EYA4: variants seen among roughly 807,000 people sequenced by gnomAD.
EYA4 encodes the protein EYA transcriptional coactivator and phosphatase 4.
A neutral mutation model predicts 87.9 loss-of-function variants in EYA4; 31 were observed. The ratio of observed to expected loss-of-function variants is 0.35; its 90% CI spans 0.27 to 0.48. The LOEUF (loss-of-function observed/expected upper bound fraction) is 0.48, where lower values mean the gene tolerates loss of function less well. Ranked by LOEUF, EYA4 falls within the 20% of genes least tolerant of loss-of-function variation. EYA4 has a pLI of 0.99. For synonymous variants in EYA4, 263 were observed against 270.6 expected (o/e 0.97, Z 0.28); for missense variants, 678 against 761.4 (o/e 0.89, Z 1.29).
intron 3 of EYA4, among the ~76,000 whole-genome samples, chr6:133,444,684 T>C (rs1792634064): frequency 2.0e-5 from 3 of 152,132 alleles, no homozygotes; most frequent in Admixed American, 2.0e-4. Flanking sequence ...AGAAAGAGTG[T>C]GCTCTTGGGC....
At position 133,269,119 on chromosome 6, in the gene EYA4, C is replaced by T. The variant is rs562521851; in HGVS notation, c.-65-5597C>T. On this transcript the variant is annotated intron_variant, in intron 1 of 19. Coordinates refer to ENST00000355286, the MANE Select transcript of EYA4 (RefSeq NM_004100.5). ...ACTAAAAATGCAAAAATTAGCCAGGCGTGGTGGCACGCTCCTGTAGTCCCA... is the reference window on the plus strand; with the variant it reads ...ACTAAAAATGCAAAAATTAGCCAGGTGTGGTGGCACGCTCCTGTAGTCCCA... 4.6e-5 allele frequency among the ~76,000 whole-genome samples: 7 copies of T among 152,202 alleles called. No individual in the cohort carries two copies. In the South Asian group the frequency reaches 8.3e-4, roughly 18 times the overall value.
At chr6:133,481,229 G>A (rs984521256) in intron 11 of EYA4, among the ~76,000 whole-genome samples, 12 of 152,086 alleles carry the variant, frequency 7.9e-5, no homozygotes, top group East Asian at 1.9e-4. Flanking sequence ...AGTTGAAGGC[G>A]TATGGTGTAG....
Position 133,530,066 on chromosome 6 carries a change from C to T in EYA4, c.*1261C>T. 1 of 984,806 alleles carries T rather than the reference C, an allele frequency of 1.0e-6. No individual in the cohort carries two copies. Among genetic ancestry groups the T allele is most frequent in the Non-Finnish European group, 1.2e-6 (1 of 829,414 alleles). The allele number at this position is 984,806 out of a possible 1,614,324, so 61.0% of individuals were successfully genotyped here. On this transcript the variant is annotated 3_prime_UTR_variant, in exon 20 of 20. Coordinates refer to ENST00000355286, the MANE Select transcript of EYA4 (RefSeq NM_004100.5). ...TGATAATATCATCAGAAATGGAAGG[C>T]AGTTCTCCCAGATGGTGTCTAATGA... is the stretch of plus-strand genomic sequence containing the variant.
intron 2 of EYA4, among the ~76,000 whole-genome samples, chr6:133,307,614 CTGTT>C (rs902376884): frequency 3.9e-5 from 6 of 152,096 alleles, no homozygotes; most frequent in Non-Finnish European, 7.4e-5. Flanking sequence ...TTTCAGGAAA[CTGTT>C]TGTTGCCTTA....
chr6:133,293,231 T>C (rs1778632853), intron 2 of EYA4, among the ~76,000 whole-genome samples: 1 of 152,186 alleles, frequency 6.6e-6, no homozygotes, highest in South Asian at 2.1e-4. Flanking sequence ...GCCTTTTTCA[T>C]CCAAAGATCC....
intron 3 of EYA4, among the ~76,000 whole-genome samples, chr6:133,391,282 T>C (rs1319245880): frequency 6.9e-6 from 1 of 144,406 alleles, no homozygotes; most frequent in Non-Finnish European, 1.5e-5. Flanking sequence ...AGGGCTGGAG[T>C]GCAATGGCAT....
At chr6:133,279,244 G>A in intron 2 of EYA4, among the ~76,000 whole-genome samples, 1 of 152,216 alleles carries the variant, frequency 6.6e-6, no homozygotes, top group East Asian at 1.9e-4. Flanking sequence ...GTAAAACTAA[G>A]TAAAATGAAT....
Position 133,528,887 on chromosome 6 carries a change from C to T in EYA4, c.*82C>T, listed in dbSNP as rs1800843249. 1 of 1,607,796 alleles carries T rather than the reference C, an allele frequency of 6.2e-7. No homozygotes were observed. Among genetic ancestry groups the T allele is most frequent in the South Asian group, 1.1e-5 (1 of 90,468 alleles). ...GTGTGATTCAATGCCTCTGGCTCTACACATATAAATTGTCTTAATGGATGA... is the reference window on the plus strand; with the variant it reads ...GTGTGATTCAATGCCTCTGGCTCTATACATATAAATTGTCTTAATGGATGA... On this transcript the variant is annotated 3_prime_UTR_variant, in exon 20 of 20. Coordinates refer to ENST00000355286, the MANE Select transcript of EYA4 (RefSeq NM_004100.5).
In EYA4 at chr6:133,470,058, G is replaced by A. The variant is rs1421753537; in HGVS notation, c.970+1327G>A. Reference sequence around the variant, plus strand: ...TGTAGGTTGCCTGTTCACTCTGATGGTAGTTTCTTTTGCTGTGCAGAAGCT... The same window carrying A: ...TGTAGGTTGCCTGTTCACTCTGATGATAGTTTCTTTTGCTGTGCAGAAGCT... On this transcript the variant is annotated intron_variant, in intron 11 of 19. Transcript: ENST00000355286. Among the ~76,000 whole-genome samples, 6 of 150,538 alleles carry A rather than the reference G, an allele frequency of 4.0e-5. No individual in the cohort carries two copies. In the South Asian group the frequency reaches 1.1e-3, roughly 26 times the overall value.
intron 3 of EYA4, among the ~76,000 whole-genome samples, chr6:133,429,267 G>T (rs561619398): frequency 6.6e-6 from 1 of 152,070 alleles, no homozygotes; most frequent in Non-Finnish European, 1.5e-5. Flanking sequence ...CTGGTGAGAG[G>T]TGAATACCTG....
chr6:133,473,967 T>A (rs1795502626), intron 11 of EYA4, among the ~76,000 whole-genome samples: 1 of 152,068 alleles, frequency 6.6e-6, no homozygotes, highest in Admixed American at 6.6e-5. Flanking sequence ...GATCTTACTT[T>A]CATTCAAAGA....
intron 2 of EYA4, among the ~76,000 whole-genome samples, chr6:133,327,425 C>A (rs1464378236): frequency 6.6e-6 from 1 of 152,104 alleles, no homozygotes; most frequent in Non-Finnish European, 1.5e-5. Context: ...AGCCACAGCA[C>A]CTGGTCTTTA....
intron 2 of EYA4, among the ~76,000 whole-genome samples, chr6:133,319,674 T>G (rs990725525): frequency 6.6e-6 from 1 of 152,020 alleles, no homozygotes; most frequent in Non-Finnish European, 1.5e-5. Context: ...AGGGTGTCTC[T>G]TCTATGCAGA....
chr6:133,425,821 A>G (rs1265662696), intron 3 of EYA4, among the ~76,000 whole-genome samples: 5 of 150,628 alleles, frequency 3.3e-5, no homozygotes, highest in Admixed American at 2.0e-4. Flanking sequence ...AATTTTGACC[A>G]TGCTGCTTTG....
chr6:133,489,414 C>G (rs1449602176), intron 13 of EYA4, among the ~76,000 whole-genome samples: 1 of 151,282 alleles, frequency 6.6e-6, no homozygotes, highest in Admixed American at 6.6e-5. Flanking sequence ...TTCTAGAACA[C>G]CAATAAAATT....
Position 133,407,374 on chromosome 6 carries a change from TAGG to T in EYA4, c.83+24939_83+24941del, listed in dbSNP as rs1350018562. 7.9e-5 allele frequency among the ~76,000 whole-genome samples: 12 copies of T among 151,838 alleles called. No homozygotes were observed. The East Asian group carries it at 1.2e-3, about 15-fold the overall frequency. On this transcript the variant is annotated intron_variant, in intron 3 of 19. Coordinates refer to ENST00000355286, the MANE Select transcript of EYA4 (RefSeq NM_004100.5). The stretch of plus-strand genomic sequence containing the variant: ...TTGGACTAAATGTTGAATGGGAGGA[TAGG>T]AGGAGAAGGCGATGGACCCTACAGG...
At chr6:133,380,446 G>C (rs775852795) in intron 2 of EYA4, among the ~76,000 whole-genome samples, 2 of 152,122 alleles carry the variant, frequency 1.3e-5, no homozygotes, top group Non-Finnish European at 2.9e-5. Flanking sequence ...GGGTGTTAAA[G>C]ACTAAAAAAA....
At chr6:133,337,137 C>A (rs1272138323) in intron 2 of EYA4, among the ~76,000 whole-genome samples, 1 of 152,186 alleles carries the variant, frequency 6.6e-6, no homozygotes, top group Non-Finnish European at 1.5e-5. Context: ...TTGTGGATAC[C>A]TCCAGCGGGA....
At chr6:133,259,412 G>A (rs1313227780) in intron 1 of EYA4, among the ~76,000 whole-genome samples, 3 of 152,170 alleles carry the variant, frequency 2.0e-5, no homozygotes, top group African/African-American at 7.2e-5. Context: ...TACAACTTCA[G>A]CCCTTTTAAA....
Sources: allele counts gnomAD v4.1 joint callset (sites outside exome capture counted in the v4.1 genomes callset), GRCh38; gene constraint gnomAD v4.1.1; transcripts MANE v1.5; gene names NCBI Gene and HGNC (gene_info 2026-07-23, HGNC 2026-07-21).